The following HNF4G variants were observed in gnomAD, a reference collection of about 807,000 sequenced individuals.
HNF4G encodes hepatocyte nuclear factor 4-gamma.
In HNF4G, 21 loss-of-function variants were observed where a neutral mutation model predicts 50.9. The observed-to-expected ratio is 0.41, with a 90% CI of 0.29 to 0.59. The LOEUF is 0.59. HNF4G is among the 20% of genes least tolerant of loss of function. The probability of loss-of-function intolerance (pLI) is 0.26; values close to 1 mark genes in which losing one functional copy is unlikely to be tolerated. For missense variants in HNF4G, 527 were observed against 559.4 expected (o/e 0.94, Z 0.58); for synonymous variants, 198 against 185.6 (o/e 1.07, Z -0.54).
intron 1 of HNF4G, among the ~76,000 whole-genome samples, chr8:75,443,340 C>A (rs1004088880): frequency 5.3e-5 from 8 of 152,154 alleles, no homozygotes; most frequent in Non-Finnish European, 1.2e-4. Flanking sequence ...AATCACTTAA[C>A]TGCATTATCC....
At chr8:75,561,671 T>C (rs1807315834) in intron 9 of HNF4G, among the ~76,000 whole-genome samples, 1 of 152,140 alleles carries the variant, frequency 6.6e-6, no homozygotes, top group African/African-American at 2.4e-5. Flanking sequence ...ATTTATGAAA[T>C]TGCTCACTCT....
intron 1 of HNF4G, among the ~76,000 whole-genome samples, chr8:75,426,479 C>T (rs963949895): frequency 3.9e-5 from 6 of 152,138 alleles, no homozygotes; most frequent in Non-Finnish European, 7.3e-5. Context: ...TTCTCTTATA[C>T]CTCTGAACCA....
rs1023918067 is a variant in HNF4G at position 75,499,639 on chromosome 8, T to C, written c.-24+9431T>C. Among the ~76,000 whole-genome samples the C allele has an allele frequency of 5.9e-5, 9 of 151,870 alleles. No individual in the cohort carries two copies. In the East Asian group the frequency reaches 1.7e-3, roughly 29 times the overall value. On this transcript the variant is annotated intron_variant, in intron 2 of 10. Coordinates refer to the HNF4G transcript ENST00000354370. ...CACACTTTCCAATTTCAAAACTTAC[T>C]AGAAAGGTACAGTAATTAAAGCTGT...
chr8:75,409,901 C>A (rs1225981821), intron 1 of HNF4G, among the ~76,000 whole-genome samples: 2 of 152,160 alleles, frequency 1.3e-5, no homozygotes, highest in Admixed American at 1.3e-4. Flanking sequence ...CCCCATTCCA[C>A]TCCATGTAGT....
intron 1 of HNF4G, among the ~76,000 whole-genome samples, chr8:75,439,017 T>A (rs1042377423): frequency 6.6e-6 from 1 of 152,064 alleles, no homozygotes. Context: ...GCACCGTGCA[T>A]GTGTATTCAT....
At position 75,559,035 on chromosome 8, in the gene HNF4G, G is replaced by T. The variant is rs1401829356; in HGVS notation, c.1121G>T (p.Gly374Val). 3 of 1,482,024 alleles carry T rather than the reference G, an allele frequency of 2.0e-6. No homozygotes were observed. Among genetic ancestry groups the T allele is most frequent in the Non-Finnish European group, 2.8e-6 (3 of 1,059,794 alleles). 91.8% of individuals were successfully genotyped at this position (1,482,024 alleles called of 1,614,324 possible). ...IDNLLQEMLL[G>V]GASNDGSHLH... The stretch of plus-strand genomic sequence containing the variant: ...AATCTACTTCAGGAAATGCTATTAG[G>T]TGGTGAGTACATTGAATAATTTCTA... The change falls in exon 8 of 10, where the codon GGT becomes GTT. Residue 374 changes from glycine (G) to valine (V), a missense_variant and splice_region_variant. Transcript: ENST00000396423.
chr8:75,536,170 G>A (rs1189325192), upstream of HNF4G, among the ~76,000 whole-genome samples: 2 of 151,816 alleles, frequency 1.3e-5, no homozygotes, highest in Non-Finnish European at 2.9e-5. Flanking sequence ...ATACTGGAAA[G>A]CAATGTTAAG....
rs1013426683 is a variant in HNF4G, at chr8:75,440,858, A to C, written c.-144+32696A>C. On this transcript the variant is annotated intron_variant, in intron 1 of 10. Transcript: ENST00000354370. Reference sequence around the variant, plus strand: ...CACTTCAATTAATTAATTTCTTATTATTATTCTTATTATTTTTGAGACAGG... The same window carrying C: ...CACTTCAATTAATTAATTTCTTATTCTTATTCTTATTATTTTTGAGACAGG... Among the ~76,000 whole-genome samples the C allele has an allele frequency of 1.8e-4, 27 of 151,916 alleles. 1 individual carries two copies. Among genetic ancestry groups the C allele is most frequent in the Middle Eastern group, 3.4e-3 (1 of 294 alleles).
At chr8:75,525,127 T>C (rs897226716) in intron 2 of HNF4G, among the ~76,000 whole-genome samples, 1 of 151,900 alleles carries the variant, frequency 6.6e-6, no homozygotes, top group African/African-American at 2.4e-5. Context: ...AGACAAAGAG[T>C]TGTCACTGTC....
intron 1 of HNF4G, among the ~76,000 whole-genome samples, chr8:75,468,043 A>C (rs1177084774): frequency 6.6e-6 from 1 of 152,188 alleles, no homozygotes; most frequent in Non-Finnish European, 1.5e-5. Flanking sequence ...ATATGTATGT[A>C]ATGTTCCATA....
chr8:75,448,931 A>G (rs939476128), intron 1 of HNF4G, among the ~76,000 whole-genome samples: 2 of 152,220 alleles, frequency 1.3e-5, no homozygotes. Context: ...GACTTTGTGA[A>G]TTAAGAAGAA....
chr8:75,523,436 A>G (rs982913710), intron 2 of HNF4G, among the ~76,000 whole-genome samples: 7 of 152,122 alleles, frequency 4.6e-5, no homozygotes, highest in Admixed American at 6.5e-5. Flanking sequence ...TTTTTAAGAA[A>G]ATATTTTAAT....
intron 1 of HNF4G, among the ~76,000 whole-genome samples, chr8:75,449,590 T>A (rs1273963032): frequency 6.8e-6 from 1 of 147,874 alleles, no homozygotes; most frequent in African/African-American, 2.5e-5. Context: ...CACTGCAAGC[T>A]CCGCCTCCAG....
At chr8:75,409,616 G>A (rs1246361397) in intron 1 of HNF4G, among the ~76,000 whole-genome samples, 5 of 150,270 alleles carry the variant, frequency 3.3e-5, no homozygotes, top group Non-Finnish European at 7.4e-5. Context: ...AGCCTCCAGA[G>A]TAGCTGGGAT....
intron 1 of HNF4G, among the ~76,000 whole-genome samples, chr8:75,458,105 G>T (rs545369347): frequency 6.6e-6 from 1 of 152,130 alleles, no homozygotes; most frequent in East Asian, 1.9e-4. Context: ...CCAAACTTCA[G>T]TTATGTCTTA....
intron 1 of HNF4G, among the ~76,000 whole-genome samples, chr8:75,481,650 T>G (rs969390078): frequency 6.6e-6 from 1 of 152,150 alleles, no homozygotes; most frequent in Non-Finnish European, 1.5e-5. Context: ...TTCTAGGATG[T>G]ACACATTTCA....
chr8:75,505,564 A>T (rs1813055079), intron 2 of HNF4G, among the ~76,000 whole-genome samples: 1 of 152,172 alleles, frequency 6.6e-6, no homozygotes, highest in Non-Finnish European at 1.5e-5. Context: ...AGTTAAAGCA[A>T]AATATTTAAC....
intron 1 of HNF4G, among the ~76,000 whole-genome samples, chr8:75,542,209 G>C (rs998725328): frequency 6.6e-6 from 1 of 152,084 alleles, no homozygotes; most frequent in Non-Finnish European, 1.5e-5. Context: ...GGAGGCTGAG[G>C]TGGGAGGATT....
At chr8:75,409,088 G>C (rs148587561) in intron 1 of HNF4G, among the ~76,000 whole-genome samples, 50 of 152,268 alleles carry the variant, frequency 3.3e-4, no homozygotes, top group African/African-American at 1.1e-3. Context: ...CAAGCCACCT[G>C]ATCTGCTGTG....
Sources: gnomAD v4.1 joint callset for allele counts (sites outside exome capture counted in the v4.1 genomes callset) on GRCh38, gnomAD v4.1.1 for gene constraint, MANE v1.5 for transcripts, NCBI Gene and HGNC (gene_info 2026-07-23, HGNC 2026-07-21) for gene names.